Variants in STX6 observed in about 807,000 individuals in gnomAD.
The protein encoded by STX6 is syntaxin 6.
In STX6, 23 loss-of-function variants were observed where a neutral mutation model predicts 38.0. The observed-to-expected ratio is 0.60, with a 90% CI of 0.43 to 0.86. STX6 has a LOEUF of 0.86. Ranked by LOEUF, STX6 falls within the 40% of genes least tolerant of loss-of-function variation. The probability of loss-of-function intolerance (pLI) is 0.00; values close to 1 mark genes in which losing one functional copy is unlikely to be tolerated. For missense variants in STX6, 274 were observed against 312.9 expected (o/e 0.88, Z 0.94); for synonymous variants, 123 against 107.5 (o/e 1.14, Z -0.89).
At chr1:180,984,063 CAAAAAAAAAAA>C (rs10625558) in intron 7 of STX6, among the ~76,000 whole-genome samples, 2 of 7,166 alleles carry the variant, frequency 2.8e-4, no homozygotes, top group Admixed American at 2.7e-3. Context: ...GGCTCCATCT[CAAAAAAAAAAA>C]AAAAAAAAAA....
intron 4 of STX6, among the ~76,000 whole-genome samples, chr1:180,990,643 A>G: frequency 6.6e-6 from 1 of 152,186 alleles, no homozygotes; most frequent in East Asian, 1.9e-4. Flanking sequence ...ATGTCTGTTA[A>G]GTTTAACCCA....
chr1:180,976,860 T>G (rs1655272146), intron 7 of STX6, among the ~76,000 whole-genome samples: 1 of 152,214 alleles, frequency 6.6e-6, no homozygotes, highest in African/African-American at 2.4e-5. Context: ...GCCAGTCCCC[T>G]GAAAATGTCT....
intron 3 of STX6, among the ~76,000 whole-genome samples, chr1:181,001,583 C>T (rs1656080451): frequency 6.6e-6 from 1 of 152,176 alleles, no homozygotes; most frequent in Admixed American, 6.6e-5. Context: ...ATGTCAGTAT[C>T]TTGGGTTGCA....
chr1:180,984,038 T>G (rs1452942212), intron 7 of STX6, among the ~76,000 whole-genome samples: 1 of 108,356 alleles, frequency 9.2e-6, no homozygotes, highest in Non-Finnish European at 1.7e-5. Flanking sequence ...CACTCCAGCC[T>G]GGGCAACAGA....
rs1396759807 is a variant in STX6, at chr1:180,975,413, T to C, written c.*1157A>G. ...CAGCTACTTAAACTCAATTAAAGCA[T>C]CTATCATTTAAATTTGGATTGGCTC... On this transcript the variant is annotated 3_prime_UTR_variant, in exon 8 of 8. Transcript: ENST00000258301. The C allele has an allele frequency of 6.6e-6, 1 of 152,566 alleles. No individual in the cohort carries two copies. Among genetic ancestry groups the C allele is most frequent in the African/African-American group, 2.4e-5 (1 of 41,400 alleles). 9.5% of individuals were successfully genotyped at this position (152,566 alleles called of 1,614,324 possible). A position where few individuals can be genotyped will look rare whatever the true frequency, so the allele number is the denominator to read the frequency against.
At chr1:180,985,938 T>C (rs1655568710) in intron 6 of STX6, among the ~76,000 whole-genome samples, 2 of 152,240 alleles carry the variant, frequency 1.3e-5, no homozygotes, top group Non-Finnish European at 2.9e-5. Context: ...CTGTTACATA[T>C]ATGTTGACAA....
chr1:181,018,445 C>T (rs1053572507), intron 1 of STX6, among the ~76,000 whole-genome samples: 9 of 118,088 alleles, frequency 7.6e-5, no homozygotes, highest in South Asian at 2.7e-4. Flanking sequence ...CCATATATAA[C>T]GTATAATCCC....
At position 181,022,668 on chromosome 1, in the gene STX6, G is replaced by C. The variant is rs749300509; in HGVS notation, c.6C>G (p.Ser2=). The part of the protein sequence containing the change: M[S]MEDPFFVVKG... ...TCACCACAAAGAAGGGGTCCTCCATGGACATGGCGTCCCGGCCCCGGCCGC... is the reference window on the plus strand; with the variant it reads ...TCACCACAAAGAAGGGGTCCTCCATCGACATGGCGTCCCGGCCCCGGCCGC... The change falls in exon 1 of 8, where the codon TCC becomes TCG. Residue 2 remains serine (S), a synonymous_variant. Transcript: ENST00000258301. The C allele has an allele frequency of 6.2e-7, 1 of 1,609,800 alleles. No individual in the cohort carries two copies. Among genetic ancestry groups the C allele is most frequent in the South Asian group, 1.1e-5 (1 of 90,402 alleles).
chr1:181,012,983 A>G (rs1377879092), intron 1 of STX6, among the ~76,000 whole-genome samples: 1 of 152,020 alleles, frequency 6.6e-6, no homozygotes, highest in Non-Finnish European at 1.5e-5. Context: ...CAATTCTTCC[A>G]TTCTTCATAA....
chr1:180,998,788 G>A (rs1407729745), intron 3 of STX6, among the ~76,000 whole-genome samples: 1 of 152,186 alleles, frequency 6.6e-6, no homozygotes, highest in Non-Finnish European at 1.5e-5. Flanking sequence ...TTACTAAATA[G>A]TTTTAAACAT....
At chr1:180,998,569 C>CA (rs1489061955) in intron 3 of STX6, among the ~76,000 whole-genome samples, 1 of 151,904 alleles carries the variant, frequency 6.6e-6, no homozygotes, top group Admixed American at 6.6e-5. Flanking sequence ...TTAGTAGAGA[C>CA]AGAGTTTCAC....
At chr1:181,018,506 T>C (rs140393298) in intron 1 of STX6, among the ~76,000 whole-genome samples, 63 of 149,924 alleles carry the variant, frequency 4.2e-4, no homozygotes, top group African/African-American at 8.5e-4. Context: ...GTAATAAATA[T>C]ATAAATCCTG....
At chr1:180,983,821 T>G (rs185412084) in intron 7 of STX6, among the ~76,000 whole-genome samples, 124 of 152,014 alleles carry the variant, frequency 8.2e-4, no homozygotes, top group African/African-American at 2.9e-3. Context: ...TCCCAGCACT[T>G]TGGGAGGCCG....
In STX6 at chr1:180,997,777, A is replaced by G. The variant is rs1185528761; in HGVS notation, c.301-4352T>C. 3.9e-5 allele frequency among the ~76,000 whole-genome samples: 6 copies of G among 152,220 alleles called. No individual in the cohort carries two copies. In the East Asian group the frequency reaches 9.6e-4, roughly 24 times the overall value. ...GTGTCATTGTAAGACTATGTCCACA[A>G]TGTAATTTTTCATAGAAAAAAAGTT... On this transcript the variant is annotated intron_variant, in intron 3 of 7. Coordinates refer to ENST00000258301, the MANE Select transcript of STX6 (RefSeq NM_005819.6).
chr1:180,982,631 C>T (rs1655449849), intron 7 of STX6, among the ~76,000 whole-genome samples: 2 of 152,242 alleles, frequency 1.3e-5, no homozygotes, highest in Non-Finnish European at 2.9e-5. Flanking sequence ...TGTTCACTTG[C>T]TCTTCCCCAA....
At chr1:181,010,787 A>G (rs1277167816) in intron 1 of STX6, among the ~76,000 whole-genome samples, 1 of 152,162 alleles carries the variant, frequency 6.6e-6, no homozygotes, top group Non-Finnish European at 1.5e-5. Context: ...CAACATGGTG[A>G]AAAAGGCAGA....
Position 180,998,588 on chromosome 1 carries a change from C to A in STX6, c.300+4018G>T, listed in dbSNP as rs986228921. ...TAGAGACAGAGTTTCACCATGTTGGCCAGGGTGGTCTCAAACTCCTGCCCT... is the reference window on the plus strand; with the variant it reads ...TAGAGACAGAGTTTCACCATGTTGGACAGGGTGGTCTCAAACTCCTGCCCT... On this transcript the variant is annotated intron_variant, in intron 3 of 7. Transcript: ENST00000258301. 2.0e-5 allele frequency among the ~76,000 whole-genome samples: 3 copies of A among 152,106 alleles called. No homozygotes were observed. The East Asian group carries it at 5.8e-4, about 29-fold the overall frequency.
intron 1 of STX6, among the ~76,000 whole-genome samples, chr1:181,009,699 G>A (rs191439041): frequency 1.9e-4 from 29 of 151,776 alleles, no homozygotes; most frequent in Middle Eastern, 3.4e-3. Context: ...CTGGTGGAAA[G>A]CACAATAGTA....
intron 6 of STX6, chr1:180,987,799 T>A (rs945915803): frequency 1.3e-3 from 172 of 127,982 alleles, no homozygotes; most frequent in East Asian, 3.4e-3. Flanking sequence ...TAAGTTTTTT[T>A]TAAAAAAAAA....
Sources: gnomAD v4.1 joint callset for allele counts (sites outside exome capture counted in the v4.1 genomes callset) on GRCh38, gnomAD v4.1.1 for gene constraint, MANE v1.5 for transcripts, NCBI Gene and HGNC (gene_info 2026-07-23, HGNC 2026-07-21) for gene names.